The following PTPRZ1 variants were observed in gnomAD, a reference collection of about 807,000 sequenced individuals.
PTPRZ1 encodes receptor-type tyrosine-protein phosphatase zeta.
A neutral mutation model predicts 214.1 loss-of-function variants in PTPRZ1; 82 were observed. That is an observed-to-expected ratio of 0.38 (90% CI 0.32 to 0.46). The LOEUF is 0.46. Among genes scored for constraint, PTPRZ1 ranks in the 20% least tolerant of loss-of-function variants. The pLI is 1.00. For synonymous variants in PTPRZ1, 945 were observed against 987.9 expected, an observed-to-expected ratio of 0.96 and a Z score of 0.81; for missense variants, 2,603 against 2,748.7, an observed-to-expected ratio of 0.95 and a Z score of 1.19.
intron 2 of PTPRZ1, among the ~76,000 whole-genome samples, chr7:121,937,917 C>A (rs766854231): frequency 1.6e-4 from 24 of 152,038 alleles, no homozygotes; most frequent in Non-Finnish European, 2.8e-4. Context: ...ATTGTAAGTG[C>A]CAATCTGATA....
intron 1 of PTPRZ1, among the ~76,000 whole-genome samples, chr7:121,922,617 T>G (rs1483732410): frequency 6.6e-6 from 1 of 152,188 alleles, no homozygotes; most frequent in Non-Finnish European, 1.5e-5. Context: ...TTCCTATTTT[T>G]TATTTTATTC....
intron 2 of PTPRZ1, among the ~76,000 whole-genome samples, chr7:121,930,314 T>C (rs190915450): frequency 2.8e-4 from 42 of 152,260 alleles, no homozygotes; most frequent in African/African-American, 1.0e-3. Flanking sequence ...TCCTAAAAAA[T>C]ACATAAAAGC....
chr7:121,885,171 T>C (rs1794362034), intron 1 of PTPRZ1, among the ~76,000 whole-genome samples: 1 of 152,218 alleles, frequency 6.6e-6, no homozygotes, highest in Non-Finnish European at 1.5e-5. Flanking sequence ...AAAATGTGTA[T>C]GTTAAAACAC....
chr7:122,008,038 G>A (rs1057272712), intron 11 of PTPRZ1, among the ~76,000 whole-genome samples: 2 of 152,076 alleles, frequency 1.3e-5, no homozygotes, highest in Non-Finnish European at 2.9e-5. Context: ...GAACGCATAT[G>A]TATCTGATGT....
chr7:122,002,154 T>A (rs1798346450), intron 10 of PTPRZ1, among the ~76,000 whole-genome samples: 1 of 152,200 alleles, frequency 6.6e-6, no homozygotes, highest in Non-Finnish European at 1.5e-5. Flanking sequence ...TTCCAAATTA[T>A]TTTATTTCAA....
chr7:121,963,646 C>T (rs945344191), intron 2 of PTPRZ1, among the ~76,000 whole-genome samples: 1 of 151,980 alleles, frequency 6.6e-6, no homozygotes, highest in African/African-American at 2.4e-5. Flanking sequence ...AGCATAGGGT[C>T]AGTTTGGGGA....
chr7:122,038,255 A>G (rs1253090842), intron 18 of PTPRZ1, among the ~76,000 whole-genome samples: 2 of 152,192 alleles, frequency 1.3e-5, no homozygotes, highest in African/African-American at 4.8e-5. Context: ...AACATCTTGT[A>G]CAAAATGGGA....
At chr7:121,963,938 C>G (rs560538546) in intron 2 of PTPRZ1, among the ~76,000 whole-genome samples, 1 of 151,916 alleles carries the variant, frequency 6.6e-6, no homozygotes. Flanking sequence ...ATATGTTGTC[C>G]TAACCTCGTG....
intron 2 of PTPRZ1, among the ~76,000 whole-genome samples, chr7:121,938,445 A>G (rs73229163): frequency 0.2 from 29,689 of 152,174 alleles, 3,069 homozygotes; most frequent in Admixed American, 0.24. Context: ...TATTGGCTTC[A>G]TCCAGAGGGA....
chr7:121,885,278 T>C, intron 1 of PTPRZ1, among the ~76,000 whole-genome samples: 1 of 152,216 alleles, frequency 6.6e-6, no homozygotes, highest in East Asian at 1.9e-4. Context: ...TTTTTGGTGG[T>C]AGCAGCTGCT....
chr7:121,982,834 C>T (rs1433988864), intron 6 of PTPRZ1, among the ~76,000 whole-genome samples: 2 of 151,778 alleles, frequency 1.3e-5, no homozygotes, highest in African/African-American at 2.4e-5. Flanking sequence ...AGTGCGGTGG[C>T]GCCATCTTGG....
At chr7:121,980,167 C>A (rs1484035016) in intron 6 of PTPRZ1, among the ~76,000 whole-genome samples, 8 of 152,156 alleles carry the variant, frequency 5.3e-5, no homozygotes, top group African/African-American at 7.2e-5. Context: ...GGGCCCCTGG[C>A]TCTCCTGGGG....
chr7:121,878,552 A>G (rs1442944619), intron 1 of PTPRZ1, among the ~76,000 whole-genome samples: 3 of 152,220 alleles, frequency 2.0e-5, no homozygotes, highest in Non-Finnish European at 4.4e-5. Context: ...AAAAGAGTTC[A>G]GTGGCCACTT....
chr7:122,044,897 GA>G (rs113395156), intron 23 of PTPRZ1, among the ~76,000 whole-genome samples: 4,836 of 145,022 alleles, frequency 0.033, 111 homozygotes, highest in Admixed American at 0.071. Flanking sequence ...TTTTTACTTT[GA>G]AAAAAAAAAA....
intron 8 of PTPRZ1, among the ~76,000 whole-genome samples, chr7:121,994,168 A>G (rs1798058784): frequency 6.6e-6 from 1 of 152,130 alleles, no homozygotes; most frequent in Non-Finnish European, 1.5e-5. Flanking sequence ...AAACATAGAC[A>G]TCCAACCAAA....
At chr7:122,041,310 G>A (rs955265170) in intron 21 of PTPRZ1, among the ~76,000 whole-genome samples, 1 of 147,868 alleles carries the variant, frequency 6.8e-6, no homozygotes. Flanking sequence ...TAATACCATG[G>A]GATAAAAATG....
intron 2 of PTPRZ1, among the ~76,000 whole-genome samples, chr7:121,934,692 C>A (rs1191724188): frequency 1.3e-5 from 2 of 152,116 alleles, no homozygotes; most frequent in Admixed American, 6.5e-5. Context: ...ATTGAACAAG[C>A]CTGGGCCCAT....
At chr7:121,976,310 G>A in intron 5 of PTPRZ1, 42 bp downstream of exon 5, 3 of 1,212,834 alleles carry the variant, frequency 2.5e-6, no homozygotes, top group Non-Finnish European at 3.5e-6. Context: ...TCCTTTTTAA[G>A]TCACATTAAA....
chr7:121,877,232 C>T (rs1794089672), intron 1 of PTPRZ1, among the ~76,000 whole-genome samples: 1 of 152,166 alleles, frequency 6.6e-6, no homozygotes, highest in Non-Finnish European at 1.5e-5. Flanking sequence ...ACAGAGAACT[C>T]AGATAAGTTG....
Sources: gnomAD v4.1 joint callset for allele counts (sites outside exome capture counted in the v4.1 genomes callset) on GRCh38, gnomAD v4.1.1 for gene constraint, MANE v1.5 for transcripts, NCBI Gene and HGNC (gene_info 2026-07-23, HGNC 2026-07-21) for gene names.